TMEM37: variants seen among roughly 807,000 people sequenced by gnomAD.
The protein encoded by TMEM37 is voltage-dependent calcium channel gamma-like subunit.
TMEM37 carries 12 observed loss-of-function variants against 11.0 expected under a neutral mutation model. That is an observed-to-expected ratio of 1.09 (90% confidence interval 0.70 to 1.76). The LOEUF is 1.76. Among genes scored for constraint, TMEM37 ranks in the 40% most tolerant of loss-of-function variants. TMEM37 has a pLI of 0.00. For synonymous variants in TMEM37, 127 were observed against 110.5 expected (o/e 1.15, Z -0.94); for missense variants, 203 against 251.2 (o/e 0.81, Z 1.30).
At chr2:119,433,982 C>T (rs141332320) in intron 1 of TMEM37, among the ~76,000 whole-genome samples, 1 of 152,094 alleles carries the variant, frequency 6.6e-6, no homozygotes, top group African/African-American at 2.4e-5. Flanking sequence ...TCATTTGATT[C>T]CTGGGAGTTT....
At chr2:119,435,284 C>T (rs571410037) in intron 1 of TMEM37, among the ~76,000 whole-genome samples, 8 of 152,294 alleles carry the variant, frequency 5.3e-5, no homozygotes, top group African/African-American at 1.4e-4. Context: ...ACAGGAGTCT[C>T]CCAGAAGCAG....
At chr2:119,431,545 C>T (rs999202065), upstream of TMEM37, among the ~76,000 whole-genome samples, 2 of 152,242 alleles carry the variant, frequency 1.3e-5, no homozygotes, top group African/African-American at 4.8e-5. Flanking sequence ...GCCGTCCCAG[C>T]CCTCGAGGAA....
At chr2:119,433,424 G>T (rs1682441772) in intron 1 of TMEM37, among the ~76,000 whole-genome samples, 1 of 152,204 alleles carries the variant, frequency 6.6e-6, no homozygotes, top group Non-Finnish European at 1.5e-5. Context: ...GATGGTGATG[G>T]CCTCACCTGG....
chr2:119,430,574 G>C (rs1446766132), upstream of TMEM37, among the ~76,000 whole-genome samples: 1 of 152,252 alleles, frequency 6.6e-6, no homozygotes, highest in Non-Finnish European at 1.5e-5. Context: ...AAGATATACA[G>C]ACAATTGTAA....
chr2:119,432,439 G>A (rs1250944289), intron 1 of TMEM37, among the ~76,000 whole-genome samples: 2 of 152,094 alleles, frequency 1.3e-5, no homozygotes, highest in East Asian at 1.9e-4. Flanking sequence ...CTGGGCTGGG[G>A]GTGGACTTGC....
upstream of TMEM37, chr2:119,430,499 G>T: frequency 2.1e-6 from 1 of 467,352 alleles, no homozygotes; most frequent in Non-Finnish European, 4.4e-6. Context: ...CAAGCTCCAG[G>T]ACTGGGGTAA....
chr2:119,436,828 G>A, intron 1 of TMEM37, 61 bp from the exon 2 acceptor site: 1 of 1,384,368 alleles, frequency 7.2e-7, no homozygotes, highest in Non-Finnish European at 1.0e-6. Flanking sequence ...CTTCCCTGCA[G>A]AGGTTCCTGG....
At chr2:119,430,525 C>A, upstream of TMEM37, 1 of 451,906 alleles carries the variant, frequency 2.2e-6, no homozygotes, top group South Asian at 1.6e-5. Flanking sequence ...TTGACAAGGT[C>A]TGTTGGGCAG....
At chr2:119,430,814 G>A (rs536629725), upstream of TMEM37, among the ~76,000 whole-genome samples, 5 of 152,156 alleles carry the variant, frequency 3.3e-5, no homozygotes, top group African/African-American at 4.8e-5. Flanking sequence ...CTTTTTGGCG[G>A]TAAAAGCTTT....
chr2:119,430,742 TG>T (rs1682376477), upstream of TMEM37, among the ~76,000 whole-genome samples: 1 of 152,160 alleles, frequency 6.6e-6, no homozygotes, highest in Non-Finnish European at 1.5e-5. Context: ...CATTTGAGGA[TG>T]GGGGGAGGGA....
chr2:119,437,612 C>T lies in TMEM37; in HGVS notation c.*172C>T, dbSNP rs374225697. ...TGGTCAGCCAGAAATGGCCCGGGGG[C>T]CTCTGCACCTGGTCTGCAGGGCCAG... is the stretch of plus-strand genomic sequence containing the variant. On this transcript the variant is annotated 3_prime_UTR_variant, in exon 2 of 2. Coordinates refer to ENST00000306406, the MANE Select transcript of TMEM37 (RefSeq NM_183240.3). The T allele has an allele frequency of 9.8e-6, 8 of 813,448 alleles. No homozygotes were observed. The highest frequency in any genetic ancestry group is 8.0e-5 in the East Asian group (3 of 37,476). The allele number at this position is 813,448 out of a possible 1,614,324, so 50.4% of individuals were successfully genotyped here.
In TMEM37 at chr2:119,435,676, G is replaced by A. The variant is rs560380960; in HGVS notation, c.22-1213G>A. On this transcript the variant is annotated intron_variant, in intron 1 of 1. Coordinates refer to ENST00000306406, the MANE Select transcript of TMEM37 (RefSeq NM_183240.3). ...AGAATGTGGTGGTGTGGGGGTAGGGGGCGGCCTTCCCAGAGCACACAGTGT... is the reference window on the plus strand; with the variant it reads ...AGAATGTGGTGGTGTGGGGGTAGGGAGCGGCCTTCCCAGAGCACACAGTGT... 4.6e-5 allele frequency among the ~76,000 whole-genome samples: 7 copies of A among 152,298 alleles called. 1 individual carries two copies. The South Asian group carries it at 1.5e-3, about 32-fold the overall frequency.
chr2:119,431,337 G>T (rs974996471), upstream of TMEM37, among the ~76,000 whole-genome samples: 1 of 152,164 alleles, frequency 6.6e-6, no homozygotes, highest in Non-Finnish European at 1.5e-5. Flanking sequence ...GCGAGGGCCC[G>T]GCAAGAGCCC....
chr2:119,431,160 AAG>A (rs570792519), upstream of TMEM37, among the ~76,000 whole-genome samples: 90 of 152,260 alleles, frequency 5.9e-4, no homozygotes, highest in African/African-American at 2.0e-3. Context: ...GAAAAAAAAA[AAG>A]AGAGACCTCA....
At chr2:119,433,070 C>G (rs1309834985) in intron 1 of TMEM37, among the ~76,000 whole-genome samples, 1 of 152,212 alleles carries the variant, frequency 6.6e-6, no homozygotes, top group Admixed American at 6.5e-5. Context: ...CGGTCCCTCC[C>G]CTCTAGGAGC....
chr2:119,433,879 G>A (rs557157597), intron 1 of TMEM37, among the ~76,000 whole-genome samples: 1 of 152,216 alleles, frequency 6.6e-6, no homozygotes, highest in Non-Finnish European at 1.5e-5. Flanking sequence ...GGTTAGGAAT[G>A]AAGACTCTAT....
At chr2:119,430,419 G>A, upstream of TMEM37, 1 of 475,154 alleles carries the variant, frequency 2.1e-6, no homozygotes, top group South Asian at 1.5e-5. Context: ...TGGAGTCCCA[G>A]CTCTCCAGTG....
chr2:119,430,010 C>G, upstream of TMEM37: 3 of 1,540,284 alleles, frequency 1.9e-6, no homozygotes, highest in Non-Finnish European at 2.6e-6. Context: ...CAGAATCTCA[C>G]CTGGGAGAGC....
In TMEM37 at chr2:119,434,419, GT is replaced by G. The variant is rs540932748; in HGVS notation, c.22-2466del. ...CTAATGGTTTGTGGAGTAGACACAG[GT>G]TTTCAAAGTTTCCTTTGGTTTCTTT... On this transcript the variant is annotated intron_variant, in intron 1 of 1. Coordinates refer to ENST00000306406, the MANE Select transcript of TMEM37 (RefSeq NM_183240.3). 2.3e-3 allele frequency among the ~76,000 whole-genome samples: 352 copies of G among 152,004 alleles called. 1 individual carries two copies. The highest frequency in any genetic ancestry group is 4.1e-3 in the Non-Finnish European group (277 of 67,980).
Sources: allele counts gnomAD v4.1 joint callset (sites outside exome capture counted in the v4.1 genomes callset), GRCh38; gene constraint gnomAD v4.1.1; transcripts MANE v1.5; gene names NCBI Gene and HGNC (gene_info 2026-07-23, HGNC 2026-07-21).